The following DCLRE1C variants were observed in gnomAD, a reference collection of about 807,000 sequenced individuals.
DCLRE1C encodes protein artemis.
Under a neutral mutation model 61.4 loss-of-function variants are expected in DCLRE1C, and 47 were observed. That is an observed-to-expected ratio of 0.77 (90% CI 0.61 to 0.98). DCLRE1C has a LOEUF of 0.98. Among genes scored for constraint, DCLRE1C ranks in the 50% least tolerant of loss-of-function variants. The pLI, the probability that DCLRE1C is intolerant of heterozygous loss-of-function variation, is 0.00. For missense variants in DCLRE1C, 858 were observed against 816.0 expected, an observed-to-expected ratio of 1.05 and a Z score of -0.63; for synonymous variants, 337 against 287.6, an observed-to-expected ratio of 1.17 and a Z score of -1.74.
chr10:14,931,244 A>G (rs546717165), intron 9 of DCLRE1C, among the ~76,000 whole-genome samples: 22 of 152,298 alleles, frequency 1.4e-4, no homozygotes, highest in African/African-American at 4.8e-4. Flanking sequence ...TTGACAAGAG[A>G]AGGAGGTTCT....
At chr10:14,922,788 C>T (rs1837328901) in intron 12 of DCLRE1C, among the ~76,000 whole-genome samples, 193 bp downstream of exon 12, 1 of 152,168 alleles carries the variant, frequency 6.6e-6, no homozygotes, top group Admixed American at 6.5e-5. Context: ...AAGCTGACAA[C>T]ACTACCTATA....
intron 12 of DCLRE1C, among the ~76,000 whole-genome samples, chr10:14,922,266 C>T (rs990830720): frequency 1.3e-5 from 2 of 152,036 alleles, no homozygotes; most frequent in Non-Finnish European, 2.9e-5. Flanking sequence ...CATGGCAAAA[C>T]CTTGTCTCTA....
At chr10:14,916,995 CT>C (rs1263074341) in intron 13 of DCLRE1C, among the ~76,000 whole-genome samples, 1 of 152,120 alleles carries the variant, frequency 6.6e-6, no homozygotes, top group Non-Finnish European at 1.5e-5. Context: ...CTTAAAGCAC[CT>C]GACTTCAAGA....
At chr10:14,937,615 G>A (rs530320557) in intron 4 of DCLRE1C, among the ~76,000 whole-genome samples, 1 of 152,210 alleles carries the variant, frequency 6.6e-6, no homozygotes, top group South Asian at 2.1e-4. Flanking sequence ...CCTGAGCCAG[G>A]TGCGGTGGCT....
chr10:14,926,817 G>A (rs775817024), intron 11 of DCLRE1C, 26 bp downstream of exon 11: 5 of 1,595,678 alleles, frequency 3.1e-6, no homozygotes, highest in Middle Eastern at 1.7e-4. Flanking sequence ...AGCGATAAGG[G>A]TTATGAGTAT....
intron 1 of DCLRE1C, among the ~76,000 whole-genome samples, chr10:14,949,740 G>A (rs1016506995): frequency 6.6e-6 from 1 of 152,210 alleles, no homozygotes; most frequent in Non-Finnish European, 1.5e-5. Flanking sequence ...TGATCAAACA[G>A]CTCTAAATTG....
intron 11 of DCLRE1C, among the ~76,000 whole-genome samples, chr10:14,925,190 T>C (rs1396963861): frequency 7.3e-6 from 1 of 137,460 alleles, no homozygotes. Flanking sequence ...CTGAGGCTGG[T>C]AGAAATCTGA....
intron 10 of DCLRE1C, among the ~76,000 whole-genome samples, chr10:14,927,389 CA>C (rs1319691383): frequency 2.2e-3 from 45 of 20,908 alleles, no homozygotes; most frequent in Non-Finnish European, 3.4e-3. Context: ...TTTCTCCACA[CA>C]AAAAAAAAAG....
Position 14,949,066 on chromosome 10 carries a change from G to T in DCLRE1C, c.131C>A (p.Ala44Asp), listed in dbSNP as rs770015010. The change falls in exon 2 of 14, where the codon GCC becomes GAC. Residue 44 changes from alanine (A) to aspartate (D), a missense_variant. Physicochemically the swap from Ala to Asp is moderately radical, Grantham distance 126 (BLOSUM62 -2). Around this residue, in one of 2 missense-constraint regions of DCLRE1C, gnomAD observed 843 missense variants for 783.5 expected, o/e 1.08. Transcript: ENST00000378278. The stretch of plus-strand genomic sequence containing the variant: ...CTCCAACCTTCTTTTCAAGGTAGGG[G>T]CTCTTAATCCTTTCATGTGATCTAA... ...CHKDHMKGLRAPTLKRRLECS... is the reference protein window; with the variant it reads ...CHKDHMKGLRDPTLKRRLECS... The T allele has an allele frequency of 2.3e-5, 37 of 1,611,146 alleles. No homozygotes were observed. Among genetic ancestry groups the T allele is most frequent in the Non-Finnish European group, 3.1e-5 (36 of 1,177,718 alleles).
At chr10:14,899,104 G>A in exon 14 of DCLRE1C, 1 of 632,450 alleles carries the variant, frequency 1.6e-6, no homozygotes, top group South Asian at 1.8e-5. Context: ...AGGCTCACTT[G>A]AGCCCAGGAG....
rs192865864 is a variant in DCLRE1C, at chr10:14,908,393, A to C, written c.*15T>G. 174 of 1,603,078 alleles carry C rather than the reference A, an allele frequency of 1.1e-4. No individual in the cohort carries two copies. The African/African-American group carries it at 2.1e-3, about 19-fold the overall frequency. ...GTTTTTTAGTGGTTGCTCTAGGTTG[A>C]AACGCTTTGAATTCTTAGGTATCTA... On this transcript the variant is annotated 3_prime_UTR_variant, in exon 14 of 14. Coordinates refer to ENST00000378278, the MANE Select transcript of DCLRE1C (RefSeq NM_001033855.3).
chr10:14,907,597 C>T lies in DCLRE1C; in HGVS notation c.*811G>A, dbSNP rs560020182. On this transcript the variant is annotated 3_prime_UTR_variant, in exon 14 of 14. Transcript: ENST00000378278. Reference sequence around the variant, plus strand: ...TTTTTGGAGCTGTTAGGTGCATATACGTTTAGGATTATTTTGTCTTCTTGG... The same window carrying T: ...TTTTTGGAGCTGTTAGGTGCATATATGTTTAGGATTATTTTGTCTTCTTGG... 5.3e-5 allele frequency among the ~76,000 whole-genome samples: 8 copies of T among 152,098 alleles called. No homozygotes were observed. Among genetic ancestry groups the T allele is most frequent in the East Asian group, 1.9e-4 (1 of 5,164 alleles).
At chr10:14,954,377 C>T, upstream of DCLRE1C, 1 of 369,960 alleles carries the variant, frequency 2.7e-6, no homozygotes, top group Non-Finnish European at 5.2e-6. Context: ...CAGGTGGCCC[C>T]AGCCGACGAG....
At chr10:14,922,605 G>C (rs1156412064) in intron 12 of DCLRE1C, among the ~76,000 whole-genome samples, 4 of 152,130 alleles carry the variant, frequency 2.6e-5, no homozygotes, top group Non-Finnish European at 5.9e-5. Flanking sequence ...CATGGTGCTA[G>C]GTGCTTTTCT....
chr10:14,936,615 A>T (rs1386272203), intron 4 of DCLRE1C, 22 bp from the exon 5 acceptor site: 1 of 1,582,506 alleles, frequency 6.3e-7, no homozygotes, highest in South Asian at 1.1e-5. Context: ...ATAAAGAAAA[A>T]ATAGTAATGG....
chr10:14,933,917 G>A (rs1249339481), intron 8 of DCLRE1C, among the ~76,000 whole-genome samples: 4 of 152,168 alleles, frequency 2.6e-5, no homozygotes, highest in African/African-American at 4.8e-5. Context: ...GAGGGCCCGC[G>A]AACCTCTGCT....
At chr10:14,902,014 G>T (rs990717841), downstream of DCLRE1C, among the ~76,000 whole-genome samples, 1 of 152,040 alleles carries the variant, frequency 6.6e-6, no homozygotes, top group African/African-American at 2.4e-5. Context: ...TAAGAATGAT[G>T]GCCTTTACAT....
At chr10:14,909,466 G>A (rs1834882303) in intron 13 of DCLRE1C, 136 bp from the exon 14 acceptor site, 2 of 762,540 alleles carry the variant, frequency 2.6e-6, no homozygotes, top group Admixed American at 2.8e-5. Context: ...GATATTCTTG[G>A]GATATGCTGA....
At position 14,906,788 on chromosome 10, in the gene DCLRE1C, A is replaced by T. The variant is rs961174993; in HGVS notation, c.*1620T>A. Among the ~76,000 whole-genome samples, 1 of 152,256 alleles carries T rather than the reference A, an allele frequency of 6.6e-6. No individual in the cohort carries two copies. Among genetic ancestry groups the T allele is most frequent in the Non-Finnish European group, 1.5e-5 (1 of 68,036 alleles). ...TCCTGAATATCTGTTAAAACTTGTT[A>T]AAAATCCTCATACATAACACAAAAG... On this transcript the variant is annotated 3_prime_UTR_variant, in exon 14 of 14. Transcript: ENST00000378278.
Sources: allele counts gnomAD v4.1 joint callset (sites outside exome capture counted in the v4.1 genomes callset), GRCh38; gene constraint gnomAD v4.1.1; regional missense constraint gnomAD v4.1.1; transcripts MANE v1.5; gene names NCBI Gene and HGNC (gene_info 2026-07-23, HGNC 2026-07-21).